Variants in NOX1 observed in about 807,000 individuals in gnomAD.
NOX1 encodes NADH/NADPH mitogenic oxidase subunit P65-MOX.
NOX1 carries 34 observed loss-of-function variants against 42.5 expected under a neutral mutation model. The ratio of observed to expected loss-of-function variants is 0.80; its 90% CI spans 0.61 to 1.07. The LOEUF (loss-of-function observed/expected upper bound fraction) is 1.07. NOX1 is among the 50% of genes least tolerant of loss of function. The probability of loss-of-function intolerance (pLI) is 0.00; values close to 1 mark genes in which losing one functional copy is unlikely to be tolerated. For synonymous variants in NOX1, 143 were observed against 152.5 expected, an observed-to-expected ratio of 0.94 and a Z score of 0.46; for missense variants, 408 against 427.0, an observed-to-expected ratio of 0.96 and a Z score of 0.39.
At chrX:100,852,162 A>G (rs1273511956) in intron 7 of NOX1, among the ~76,000 whole-genome samples, 2 of 112,289 alleles carry the variant, frequency 1.8e-5, no homozygotes, top group Admixed American at 9.4e-5. Flanking sequence ...TACCTTGTCT[A>G]CATTTTTTTT....
intron 1 of NOX1, among the ~76,000 whole-genome samples, chrX:100,872,391 A>G (rs1483624461): frequency 8.9e-6 from 1 of 112,188 alleles, no homozygotes; most frequent in Non-Finnish European, 1.9e-5. Context: ...TCTAGGAGTA[A>G]GGCATTCCAT....
Position 100,862,732 on chromosome X carries a change from G to A in NOX1, c.426C>T (p.Ser142=), listed in dbSNP as rs368816741. 36 of 1,197,611 alleles carry A rather than the reference G, an allele frequency of 3.0e-5. No individual in the cohort carries two copies. The highest frequency in any genetic ancestry group is 4.6e-4 in the Middle Eastern group (2 of 4,321). The part of the protein sequence containing the change: ...ATDGSLASIL[S]SLSHDEKKGG... The stretch of plus-strand genomic sequence containing the variant: ...CCTTTTTCTCATCATGAGATAGGCT[G>A]GAGAGAATGGAGGCAAGGGAGCCAT... Residue 142 remains serine, a synonymous_variant, in exon 5 of 13, where the codon TCC becomes TCT. Coordinates refer to ENST00000372966, the MANE Select transcript of NOX1 (RefSeq NM_007052.5).
At chrX:100,853,258 CTTCCTTTCT>C (rs1690915082) in intron 7 of NOX1, among the ~76,000 whole-genome samples, 1 of 37,686 alleles carries the variant, frequency 2.7e-5, no homozygotes, top group Non-Finnish European at 5.1e-5. Context: ...TCCTTCCTTC[CTTCCTTTCT>C]TTCTTTCTTT....
intron 12 of NOX1, among the ~76,000 whole-genome samples, chrX:100,847,088 C>T (rs1438947520): frequency 1.8e-5 from 2 of 111,974 alleles, no homozygotes; most frequent in Non-Finnish European, 3.8e-5. Context: ...ACTCGGGAGG[C>T]TGAGGCAGGA....
intron 1 of NOX1, among the ~76,000 whole-genome samples, chrX:100,871,155 A>C (rs1434825249): frequency 8.9e-6 from 1 of 112,432 alleles, no homozygotes; most frequent in Non-Finnish European, 1.9e-5. Context: ...GTGGCATGTG[A>C]AAGTTATATG....
intron 7 of NOX1, among the ~76,000 whole-genome samples, chrX:100,859,878 T>C (rs916051745): frequency 2.8e-5 from 3 of 109,039 alleles, no homozygotes; most frequent in Admixed American, 1.0e-4. Flanking sequence ...CTATTCTTTA[T>C]TTGTGTAGCT....
chrX:100,863,507 G>C lies in NOX1; in HGVS notation c.230C>G (p.Ser77Cys), dbSNP rs748881073. The part of the protein sequence containing the change: ...ILLPVCRNLL[S>C]FLRGTCSFCS... ...CACTGAGCAGGTGCCCCTCAGGAAG[G>C]ACAGCAGATTGCGACACACAGGAAG... The change falls in exon 3 of 13, where the codon TCC (serine) becomes TGC (cysteine). Residue 77 changes from serine to cysteine, a missense_variant. Physicochemically the swap from Ser to Cys is moderately radical, Grantham distance 112 (BLOSUM62 -1). Transcript: ENST00000372966. The C allele has an allele frequency of 3.3e-6, 4 of 1,211,173 alleles. No individual in the cohort carries two copies. The highest frequency in any genetic ancestry group is 1.7e-5 in the African/African-American group (1 of 57,617).
rs775373353 is a variant in NOX1 at position 100,856,224 on chromosome X, G to A, written c.805-4899C>T. Reference sequence around the variant, plus strand: ...GTGACAAACCCACAGCCCCTGGAGCGCTTGGTGTTTGGATCTCTCATTACC... The same window carrying A: ...GTGACAAACCCACAGCCCCTGGAGCACTTGGTGTTTGGATCTCTCATTACC... On this transcript the variant is annotated intron_variant, in intron 7 of 12. Coordinates refer to ENST00000372966, the MANE Select transcript of NOX1 (RefSeq NM_007052.5). 5.4e-4 allele frequency: 537 copies of A among 991,171 alleles called. 1 individual carries two copies. Among genetic ancestry groups the A allele is most frequent in the Middle Eastern group, 7.3e-4 (2 of 2,731 alleles). The allele number at this position is 991,171 out of a possible 1,213,427, so 81.7% of individuals were successfully genotyped here. A position where few individuals can be genotyped will look rare whatever the true frequency, so the allele number is the denominator to read the frequency against.
chrX:100,872,405 C>G (rs998521486), intron 1 of NOX1, among the ~76,000 whole-genome samples: 11 of 111,995 alleles, frequency 9.8e-5, no homozygotes, highest in Admixed American at 1.9e-4. Flanking sequence ...ATTCCATTCC[C>G]CATCTTAGCT....
At chrX:100,871,694 G>A (rs189579952) in intron 1 of NOX1, among the ~76,000 whole-genome samples, 2 of 111,869 alleles carry the variant, frequency 1.8e-5, no homozygotes, top group East Asian at 2.8e-4. Context: ...TCTAGCCCAA[G>A]TGTGGAGGTG....
intron 11 of NOX1, 148 bp downstream of exon 11, chrX:100,849,132 C>T (rs2085095567): frequency 8.9e-6 from 5 of 559,585 alleles, no homozygotes; most frequent in Non-Finnish European, 1.1e-5. Context: ...CTGATAGCTG[C>T]CTCTTCTTTC....
chrX:100,843,619 A>C lies in NOX1; in HGVS notation c.*333T>G. 1 of 516,785 alleles carries C rather than the reference A, an allele frequency of 1.9e-6. No homozygotes were observed. Among genetic ancestry groups the C allele is most frequent in the Non-Finnish European group, 2.9e-6 (1 of 343,652 alleles). The allele number at this position is 516,785 out of a possible 1,213,427, so 42.6% of individuals were successfully genotyped here. ...GGAGATGGTAACACTGGAATTGATA[A>C]AATCACCTGGGATTAGTTGTATAAC... is the stretch of plus-strand genomic sequence containing the variant. On this transcript the variant is annotated 3_prime_UTR_variant, in exon 13 of 13. Coordinates refer to ENST00000372966, the MANE Select transcript of NOX1 (RefSeq NM_007052.5).
intron 7 of NOX1, among the ~76,000 whole-genome samples, chrX:100,853,328 CTT>C (rs1161724134): frequency 0.016 from 199 of 12,224 alleles, 1 homozygote; most frequent in Non-Finnish European, 0.021. Flanking sequence ...CTTTCTCTCT[CTT>C]TCTCTTTCTT....
chrX:100,850,093 TTC>T (rs1236908607), intron 9 of NOX1, 56 bp downstream of exon 9: 1 of 1,051,110 alleles, frequency 9.5e-7, no homozygotes, highest in East Asian at 3.0e-5. Flanking sequence ...AAGAATTGCT[TTC>T]TCTTTTCTGC....
At chrX:100,844,302 G>A (rs36081692) in intron 12 of NOX1, among the ~76,000 whole-genome samples, 1 of 112,388 alleles carries the variant, frequency 8.9e-6, no homozygotes, top group East Asian at 2.8e-4. Flanking sequence ...TGAGAACACA[G>A]ATGACAGACA....
intron 1 of NOX1, among the ~76,000 whole-genome samples, chrX:100,872,374 A>C (rs1024078740): frequency 1.1e-4 from 12 of 112,213 alleles, no homozygotes; most frequent in African/African-American, 3.6e-4. Flanking sequence ...GATGAAATAC[A>C]GTGATATCTA....
intron 7 of NOX1, among the ~76,000 whole-genome samples, chrX:100,852,245 G>A (rs1199686315): frequency 1.8e-5 from 2 of 111,818 alleles, no homozygotes; most frequent in African/African-American, 3.3e-5. Context: ...AAGGCGGGTG[G>A]ATCACTTGAG....
At chrX:100,860,448 C>G (rs773140713) in intron 7 of NOX1, among the ~76,000 whole-genome samples, 17 of 111,990 alleles carry the variant, frequency 1.5e-4, no homozygotes, top group African/African-American at 5.5e-4. Context: ...CTTGCCAGCA[C>G]CATACATTAG....
intron 2 of NOX1, among the ~76,000 whole-genome samples, chrX:100,865,918 C>T (rs1007574875): frequency 1.8e-5 from 2 of 112,346 alleles, no homozygotes; most frequent in Non-Finnish European, 3.8e-5. Context: ...TGGTTAGGCA[C>T]TCACATGGAA....
Sources: gnomAD v4.1 joint callset for allele counts (sites outside exome capture counted in the v4.1 genomes callset) on GRCh38, gnomAD v4.1.1 for gene constraint, MANE v1.5 for transcripts, NCBI Gene and HGNC (gene_info 2026-07-23, HGNC 2026-07-21) for gene names.